PTPN12: variants seen among roughly 807,000 people sequenced by gnomAD.
PTPN12 encodes the protein protein tyrosine phosphatase non-receptor type 12, also known as tyrosine-protein phosphatase non-receptor type 12.
A neutral mutation model predicts 97.6 loss-of-function variants in PTPN12; 29 were observed. The ratio of observed to expected loss-of-function variants is 0.30; its 90% CI spans 0.22 to 0.41. The LOEUF is 0.41. PTPN12 is among the 10% of genes least tolerant of loss of function. PTPN12 has a pLI of 1.00. For missense variants in PTPN12, 819 were observed against 926.0 expected (o/e 0.88, Z 1.50); for synonymous variants, 327 against 300.4 (o/e 1.09, Z -0.91).
intron 1 of PTPN12, among the ~76,000 whole-genome samples, chr7:77,558,543 G>C (rs541137322): frequency 5.8e-4 from 89 of 152,226 alleles, no homozygotes; most frequent in Non-Finnish European, 1.1e-3. Flanking sequence ...GGAGGGGAGA[G>C]AGTTTGGCTT....
Position 77,605,474 on chromosome 7 carries a change from C to T in PTPN12, c.696-1761C>T, listed in dbSNP as rs543605944. Among the ~76,000 whole-genome samples the T allele has an allele frequency of 4.0e-5, 5 of 123,846 alleles. No homozygotes were observed. The South Asian group carries it at 1.3e-3, about 33-fold the overall frequency. 81.2% of individuals were successfully genotyped at this position (123,846 alleles called of 152,430 possible). A position where few individuals can be genotyped will look rare whatever the true frequency, so the allele number is the denominator to read the frequency against. On this transcript the variant is annotated intron_variant, in intron 8 of 17. Transcript: ENST00000248594. ...TCGCTCTGTCGCCCAAGCTGGAGTG[C>T]AATGGCGTGATCTCAGCTCACTGCA...
chr7:77,621,646 G>A (rs746718612), intron 12 of PTPN12, among the ~76,000 whole-genome samples: 3 of 151,644 alleles, frequency 2.0e-5, no homozygotes, highest in Non-Finnish European at 4.4e-5. Context: ...TCCAGCCTGG[G>A]TGTGACAGAG....
chr7:77,568,455 A>AT lies in PTPN12; in HGVS notation c.100-2622dup, dbSNP rs372578313. The stretch of plus-strand genomic sequence containing the variant: ...TTCGAGACCAGCCTCCGCAACATAC[A>AT]TGGGGAGACCCCAGCCCTACAAAAA... On this transcript the variant is annotated intron_variant, in intron 1 of 17. Transcript: ENST00000248594. Among the ~76,000 whole-genome samples the AT allele has an allele frequency of 1.0e-3, 156 of 152,254 alleles. 2 individuals carry two copies. The highest frequency in any genetic ancestry group is 3.5e-3 in the African/African-American group (147 of 41,524).
chr7:77,557,605 T>C (rs1481291705), intron 1 of PTPN12, among the ~76,000 whole-genome samples: 2 of 152,210 alleles, frequency 1.3e-5, no homozygotes, highest in Non-Finnish European at 2.9e-5. Context: ...TTCTGTGGCA[T>C]TAGATACATT....
chr7:77,607,434 G>C lies in PTPN12; in HGVS notation c.762+133G>C, dbSNP rs771864356. ...TTTCCAAAGTAGTTTTATTAAGTAA[G>C]AAATAAAGGTAGTGAAGGCCGGGCA... On this transcript the variant is annotated intron_variant, in intron 9 of 17. Coordinates refer to ENST00000248594, the MANE Select transcript of PTPN12 (RefSeq NM_002835.4). 367 of 699,732 alleles carry C rather than the reference G, an allele frequency of 5.2e-4. 2 individuals carry two copies. The highest frequency in any genetic ancestry group is 1.0e-4 in the Non-Finnish European group (46 of 439,480). The allele number at this position is 699,732 out of a possible 1,614,324, so 43.3% of individuals were successfully genotyped here. A position where few individuals can be genotyped will look rare whatever the true frequency, so the allele number is the denominator to read the frequency against.
intron 2 of PTPN12, among the ~76,000 whole-genome samples, chr7:77,574,047 T>C (rs981583104): frequency 6.6e-6 from 1 of 152,204 alleles, no homozygotes; most frequent in Non-Finnish European, 1.5e-5. Flanking sequence ...CTTCTGAGGG[T>C]GTACTGTATG....
At chr7:77,556,324 A>G (rs1250341999) in intron 1 of PTPN12, among the ~76,000 whole-genome samples, 2 of 151,946 alleles carry the variant, frequency 1.3e-5, no homozygotes, top group Non-Finnish European at 2.9e-5. Flanking sequence ...CTGCCTCCCA[A>G]AGTGCTGGGA....
intron 1 of PTPN12, among the ~76,000 whole-genome samples, chr7:77,557,526 AT>A (rs997924847): frequency 1.8e-4 from 27 of 151,596 alleles, no homozygotes; most frequent in East Asian, 5.8e-4. Flanking sequence ...TGAGTGACAG[AT>A]TTTTTTTTGC....
At chr7:77,628,159 ATGCTTCCAAATATGGC>A (rs1375595840) in intron 13 of PTPN12, among the ~76,000 whole-genome samples, 1 of 152,208 alleles carries the variant, frequency 6.6e-6, no homozygotes, top group Non-Finnish European at 1.5e-5. Context: ...GTCTTCACAA[ATGCTTCCAAATATGGC>A]TGCTTCCAAC....
At position 77,611,691 on chromosome 7, in the gene PTPN12, C is replaced by T. The variant is rs150698560; in HGVS notation, c.939+645C>T. Among the ~76,000 whole-genome samples, 978 of 152,286 alleles carry T rather than the reference C, an allele frequency of 6.4e-3. 4 individuals are homozygous for T. The highest frequency in any genetic ancestry group is 0.013 in the Admixed American group (202 of 15,300). On this transcript the variant is annotated intron_variant, in intron 11 of 17. Coordinates refer to ENST00000248594, the MANE Select transcript of PTPN12 (RefSeq NM_002835.4). ...AACTCCTGACCTCAGGTGGTCTGCC[C>T]GCCTTGGCCTCCCAGTGTGCAATGT... is the stretch of plus-strand genomic sequence containing the variant.
At chr7:77,564,750 T>TTTTTTTTTG (rs1808172698) in intron 1 of PTPN12, among the ~76,000 whole-genome samples, 1 of 63,372 alleles carries the variant, frequency 1.6e-5, no homozygotes, top group African/African-American at 7.9e-5. Context: ...TGTCGTGTTT[T>TTTTTTTTTG]TTTTTTTTTT....
Position 77,583,575 on chromosome 7 carries a change from A to T in PTPN12, c.306A>T (p.Ala102=), listed in dbSNP as rs1457286999. The part of the protein sequence containing the change: ...NFIKGVYGPK[A]YVATQGPLAN... ...TTTAGGGCGTCTATGGGCCAAAAGC[A>T]TATGTAGCAACTCAAGGACCTTTAG... Residue 102 remains alanine, a synonymous_variant, in exon 4 of 18, where the codon GCA becomes GCT. Transcript: ENST00000248594. The T allele has an allele frequency of 6.2e-7, 1 of 1,610,392 alleles. No individual in the cohort carries two copies. The highest frequency in any genetic ancestry group is 1.1e-5 in the South Asian group (1 of 90,232).
At chr7:77,552,745 T>C (rs1030389436) in intron 1 of PTPN12, among the ~76,000 whole-genome samples, 6 of 152,198 alleles carry the variant, frequency 3.9e-5, no homozygotes, top group African/African-American at 1.4e-4. Flanking sequence ...AGCATTATAG[T>C]GGACAGTCCA....
chr7:77,626,783 T>A lies in PTPN12; in HGVS notation c.1104T>A (p.Pro368=), dbSNP rs1789201414. ...EPHPVPPILT[P]SPPSAFPTVT... Reference sequence around the variant, plus strand: ...ATCCAGTGCCACCCATCTTGACACCTTCTCCCCCTTCAGCTTTTCCAACAG... The same window carrying A: ...ATCCAGTGCCACCCATCTTGACACCATCTCCCCCTTCAGCTTTTCCAACAG... The change falls in exon 13 of 18, where the codon CCT becomes CCA. Residue 368 remains proline (P), a synonymous_variant. Coordinates refer to ENST00000248594, the MANE Select transcript of PTPN12 (RefSeq NM_002835.4). 8 of 1,613,952 alleles carry A rather than the reference T, an allele frequency of 5.0e-6. No individual in the cohort carries two copies. Among genetic ancestry groups the A allele is most frequent in the Non-Finnish European group, 6.8e-6 (8 of 1,179,872 alleles).
rs764476553 is a variant in PTPN12 at position 77,564,746 on chromosome 7, GTTTTTTTTTTTTTTT to G, written c.100-6316_100-6302del. On this transcript the variant is annotated intron_variant, in intron 1 of 17. Coordinates refer to ENST00000248594, the MANE Select transcript of PTPN12 (RefSeq NM_002835.4). ...TTTTGTTGTTGTTTTTTGTTGTCGT[GTTTTTTTTTTTTTTT>G]TTTTTTTTTTTTTTTGAGACGGAAT... 1.4e-3 allele frequency among the ~76,000 whole-genome samples: 64 copies of G among 45,412 alleles called. 1 individual carries two copies. In the East Asian group the frequency reaches 0.018, roughly 13 times the overall value. 29.8% of individuals were successfully genotyped at this position (45,412 alleles called of 152,430 possible).
intron 8 of PTPN12, among the ~76,000 whole-genome samples, chr7:77,605,416 T>TTTTTTTTTTTG (rs1788333323): frequency 8.0e-6 from 1 of 124,368 alleles, no homozygotes; most frequent in African/African-American, 3.1e-5. Flanking sequence ...TGAGTTTTTT[T>TTTTTTTTTTTG]TTTTTTTTTT....
intron 1 of PTPN12, among the ~76,000 whole-genome samples, chr7:77,546,433 G>T (rs1807222838): frequency 1.3e-5 from 2 of 152,168 alleles, no homozygotes; most frequent in African/African-American, 4.8e-5. Flanking sequence ...CCAAATATGA[G>T]TTGAACTCCT....
At position 77,627,632 on chromosome 7, in the gene PTPN12, T is replaced by G. The variant is rs1789247369; in HGVS notation, c.1953T>G (p.Ala651=). The G allele has an allele frequency of 9.3e-6, 15 of 1,605,982 alleles. No homozygotes were observed. Among genetic ancestry groups the G allele is most frequent in the Non-Finnish European group, 1.3e-5 (15 of 1,176,604 alleles). ...STRKVLPMSI[A]RHNIAGTTHS... is the part of the protein sequence containing the mutation. ...GGAAAGTATTGCCAATGTCCATTGC[T>G]AGACATAATATAGCAGGAACAACAC... The change falls in exon 13 of 18, where the codon GCT becomes GCG. Residue 651 remains alanine, a synonymous_variant. Transcript: ENST00000248594.
chr7:77,561,777 TAA>T (rs1010471723), intron 1 of PTPN12, among the ~76,000 whole-genome samples: 9 of 151,724 alleles, frequency 5.9e-5, no homozygotes, highest in African/African-American at 1.5e-4. Context: ...ATTAATTAAT[TAA>T]TTAATTTTAT....
Sources: gnomAD v4.1 joint callset for allele counts (sites outside exome capture counted in the v4.1 genomes callset) on GRCh38, gnomAD v4.1.1 for gene constraint, MANE v1.5 for transcripts, NCBI Gene and HGNC (gene_info 2026-07-23, HGNC 2026-07-21) for gene names.